Variants in CLVS1 observed in about 807,000 individuals in gnomAD.
CLVS1 encodes the protein clavesin 1.
In CLVS1, 10 loss-of-function variants were observed where a neutral mutation model predicts 33.1. The ratio of observed to expected loss-of-function variants is 0.30; its 90% confidence interval spans 0.19 to 0.51. CLVS1 has a LOEUF of 0.51. CLVS1 is among the 20% of genes least tolerant of loss of function. The probability of loss-of-function intolerance (pLI) is 0.97; values close to 1 mark genes in which losing one functional copy is unlikely to be tolerated. For synonymous variants in CLVS1, 163 were observed against 166.1 expected (o/e 0.98, Z 0.14); for missense variants, 343 against 433.4 (o/e 0.79, Z 1.85).
intron 2 of CLVS1, among the ~76,000 whole-genome samples, chr8:61,245,323 T>C (rs10092170): frequency 0.12 from 18,967 of 151,824 alleles, 2,332 homozygotes; most frequent in African/African-American, 0.32. Context: ...GCTGGGAACA[T>C]AGGCATGCGC....
the CLVS1 span, among the ~76,000 whole-genome samples, chr8:61,049,607 C>T: frequency 6.6e-6 from 1 of 152,148 alleles, no homozygotes; most frequent in Non-Finnish European, 1.5e-5. Context: ...CTATCTTCTG[C>T]AATTTTTAAA....
chr8:61,214,106 T>C (rs1162852208), intron 2 of CLVS1, among the ~76,000 whole-genome samples: 1 of 152,166 alleles, frequency 6.6e-6, no homozygotes, highest in East Asian at 1.9e-4. Context: ...GTCAGACCGG[T>C]TGCTCTCAAA....
intron 2 of CLVS1, among the ~76,000 whole-genome samples, chr8:61,214,184 C>T (rs1808036905): frequency 6.6e-6 from 1 of 152,184 alleles, no homozygotes; most frequent in South Asian, 2.1e-4. Context: ...ATTTTAATTT[C>T]ACCTCGGTCC....
At chr8:61,268,190 C>T (rs950099911) in intron 2 of CLVS1, among the ~76,000 whole-genome samples, 24 of 140,228 alleles carry the variant, frequency 1.7e-4, no homozygotes, top group South Asian at 1.2e-3. Flanking sequence ...CAACAGTCCC[C>T]GGAGTGTGAT....
chr8:61,026,437 T>C, the CLVS1 span, among the ~76,000 whole-genome samples: 154 of 152,340 alleles, frequency 1.0e-3, no homozygotes, highest in African/African-American at 3.6e-3. Context: ...CAGCCCTAGC[T>C]GAGGTGAGGG....
intron 3 of CLVS1, among the ~76,000 whole-genome samples, chr8:61,381,760 G>A (rs1813889211): frequency 6.6e-6 from 1 of 152,144 alleles, no homozygotes; most frequent in Non-Finnish European, 1.5e-5. Context: ...TGCTGCAAAG[G>A]ACAGGATTTC....
intron 1 of CLVS1, among the ~76,000 whole-genome samples, chr8:61,076,433 CT>C (rs1274324241): frequency 3.9e-4 from 59 of 152,314 alleles, no homozygotes; most frequent in African/African-American, 1.4e-3. Context: ...AGCAAATGTA[CT>C]GAGTAGCCTG....
intron 2 of CLVS1, among the ~76,000 whole-genome samples, chr8:61,311,561 G>A (rs978267159): frequency 4.6e-5 from 7 of 152,152 alleles, no homozygotes; most frequent in African/African-American, 7.2e-5. Context: ...TGCCCACCAG[G>A]AAGATGTCAG....
intron 2 of CLVS1, among the ~76,000 whole-genome samples, chr8:61,222,142 C>T (rs765194325): frequency 6.6e-6 from 1 of 151,914 alleles, no homozygotes; most frequent in Non-Finnish European, 1.5e-5. Context: ...GCTCCTGGTT[C>T]GTTGATATTT....
chr8:61,076,978 T>C (rs1804924507), intron 1 of CLVS1, among the ~76,000 whole-genome samples: 1 of 152,232 alleles, frequency 6.6e-6, no homozygotes. Flanking sequence ...TCTGAGGCTT[T>C]GTTCTGAGAA....
At chr8:61,046,751 A>G in the CLVS1 span, among the ~76,000 whole-genome samples, 1 of 151,812 alleles carries the variant, frequency 6.6e-6, no homozygotes, top group Non-Finnish European at 1.5e-5. Flanking sequence ...CTTTGAAGCA[A>G]TTGTGAATGG....
At chr8:61,353,046 A>G (rs191138411) in intron 2 of CLVS1, among the ~76,000 whole-genome samples, 126 of 152,154 alleles carry the variant, frequency 8.3e-4, no homozygotes, top group African/African-American at 2.9e-3. Context: ...GTGCATACAT[A>G]AAAAGTCTCA....
chr8:61,188,223 G>T (rs1807384709), intron 2 of CLVS1, among the ~76,000 whole-genome samples: 1 of 152,092 alleles, frequency 6.6e-6, no homozygotes, highest in Non-Finnish European at 1.5e-5. Flanking sequence ...AATCATTCAG[G>T]CTTGAATAAA....
In CLVS1 at chr8:61,273,786, C is replaced by G. The variant is rs561902612; in HGVS notation, c.-151-25891C>G. The G allele has an allele frequency of 3.9e-5, 6 of 154,642 alleles. No individual in the cohort carries two copies. In the East Asian group the frequency reaches 5.7e-4, roughly 15 times the overall value. The allele number at this position is 154,642 out of a possible 1,614,324, so 9.6% of individuals were successfully genotyped here. A position where few individuals can be genotyped will look rare whatever the true frequency, so the allele number is the denominator to read the frequency against. On this transcript the variant is annotated intron_variant, in intron 2 of 2. Coordinates refer to the CLVS1 transcript ENST00000522621. Reference sequence around the variant, plus strand: ...CTGCCCATCACCCCTTTCTTTGACTCGGAAAGGGAACTCCCTGACTCCTTG... The same window carrying G: ...CTGCCCATCACCCCTTTCTTTGACTGGGAAAGGGAACTCCCTGACTCCTTG...
In CLVS1 at chr8:61,166,031, G is replaced by GTTTTTTT. The variant is rs71245557; in HGVS notation, c.-152+34179_-152+34185dup. Among the ~76,000 whole-genome samples the GTTTTTTT allele has an allele frequency of 7.4e-5, 8 of 108,374 alleles. 1 individual carries two copies. Among genetic ancestry groups the GTTTTTTT allele is most frequent in the Non-Finnish European group, 1.2e-4 (6 of 51,522 alleles). 71.1% of individuals were successfully genotyped at this position (108,374 alleles called of 152,430 possible). On this transcript the variant is annotated intron_variant, in intron 2 of 2. Coordinates refer to the CLVS1 transcript ENST00000522621. ...TATTTTTGTGGCTAAGCATCTAAGC[G>GTTTTTTT]TTTTTTTTTTTTTTGCCTGCCTTTG...
intron 5 of CLVS1, among the ~76,000 whole-genome samples, chr8:61,484,772 C>A (rs1268923978): frequency 6.6e-6 from 1 of 152,090 alleles, no homozygotes; most frequent in Non-Finnish European, 1.5e-5. Context: ...CAGAACAGAG[C>A]CCTTGGAAAT....
chr8:61,090,558 T>C (rs1042468310), intron 1 of CLVS1, among the ~76,000 whole-genome samples: 2 of 152,032 alleles, frequency 1.3e-5, no homozygotes, highest in Non-Finnish European at 2.9e-5. Context: ...CAAGGGTGGA[T>C]CCGTGAGCCA....
At chr8:61,062,078 G>T (rs1036746486) in intron 1 of CLVS1, among the ~76,000 whole-genome samples, 16 of 152,082 alleles carry the variant, frequency 1.1e-4, no homozygotes, top group African/African-American at 3.9e-4. Flanking sequence ...ACTAGGTCAC[G>T]TATGAACTAT....
At chr8:61,387,621 C>T (rs1814141370) in intron 3 of CLVS1, among the ~76,000 whole-genome samples, 1 of 152,048 alleles carries the variant, frequency 6.6e-6, no homozygotes, top group South Asian at 2.1e-4. Flanking sequence ...TCTTTTATCA[C>T]ACAACCCCCT....
Sources: gnomAD v4.1 joint callset for allele counts (sites outside exome capture counted in the v4.1 genomes callset) on GRCh38, gnomAD v4.1.1 for gene constraint, MANE v1.5 for transcripts, NCBI Gene and HGNC (gene_info 2026-07-23, HGNC 2026-07-21) for gene names.